The following LHX8 variants were observed in gnomAD, a reference collection of about 807,000 sequenced individuals.
LHX8 encodes LIM/homeobox protein Lhx8.
A neutral mutation model predicts 40.3 loss-of-function variants in LHX8; 12 were observed. The observed-to-expected ratio is 0.30, with a 90% CI of 0.19 to 0.48. LHX8 has a LOEUF of 0.48. Ranked by LOEUF, LHX8 falls within the 20% of genes least tolerant of loss-of-function variation. The pLI, the probability that LHX8 is intolerant of heterozygous loss-of-function variation, is 0.99. For synonymous variants in LHX8, 179 were observed against 162.0 expected (o/e 1.10, Z -0.80); for missense variants, 344 against 433.7 (o/e 0.79, Z 1.84).
At chr1:75,135,010 G>A in intron 1 of LHX8, 56 bp downstream of exon 1, 3 of 858,282 alleles carry the variant, frequency 3.5e-6, no homozygotes, top group Non-Finnish European at 4.2e-6. Context: ...CGGGAGAGTG[G>A]GTCGGGAGGA....
At chr1:75,130,853 A>G (rs1647943012), upstream of LHX8, 1 of 951,622 alleles carries the variant, frequency 1.1e-6, no homozygotes, top group Non-Finnish European at 1.7e-6. Flanking sequence ...CCCTGAACCA[A>G]GTGTGACATC....
the LHX8 span, among the ~76,000 whole-genome samples, chr1:75,182,756 C>T: frequency 2.4e-4 from 36 of 152,256 alleles, no homozygotes; most frequent in Admixed American, 4.6e-4. Context: ...TAATGTTATG[C>T]CTCTAGGTTT....
At chr1:75,140,824 A>G (rs1648291882) in intron 3 of LHX8, among the ~76,000 whole-genome samples, 161 bp from the exon 4 acceptor site, 1 of 152,208 alleles carries the variant, frequency 6.6e-6, no homozygotes, top group Non-Finnish European at 1.5e-5. Context: ...ATACATGTTT[A>G]CAAAAATGAC....
intron 7 of LHX8, among the ~76,000 whole-genome samples, chr1:75,152,344 A>G (rs929882422): frequency 1.3e-5 from 2 of 152,176 alleles, no homozygotes; most frequent in Non-Finnish European, 2.9e-5. Flanking sequence ...CAAAGAATAA[A>G]GATGAGTGAT....
chr1:75,148,802 C>G, intron 7 of LHX8, 120 bp downstream of exon 7: 2 of 710,796 alleles, frequency 2.8e-6, no homozygotes, highest in South Asian at 1.7e-5. Flanking sequence ...CTCAGCCTCC[C>G]AAAGTAATGG....
intron 7 of LHX8, among the ~76,000 whole-genome samples, chr1:75,148,890 T>G (rs889586949): frequency 6.6e-6 from 1 of 152,182 alleles, no homozygotes; most frequent in Non-Finnish European, 1.5e-5. Flanking sequence ...AAGTTCTAAT[T>G]CTGGGTATTT....
the LHX8 span, among the ~76,000 whole-genome samples, chr1:75,179,896 A>T: frequency 6.6e-6 from 1 of 152,020 alleles, no homozygotes; most frequent in South Asian, 2.1e-4. Flanking sequence ...TGGTGACAAA[A>T]TCTCTCAGCA....
the LHX8 span, among the ~76,000 whole-genome samples, chr1:75,172,210 C>A: frequency 6.6e-6 from 1 of 152,288 alleles, no homozygotes; most frequent in Admixed American, 6.5e-5. Flanking sequence ...CATATCACAA[C>A]TATTTGGACT....
chr1:75,156,309 T>C (rs1648765972), intron 7 of LHX8, among the ~76,000 whole-genome samples: 1 of 152,096 alleles, frequency 6.6e-6, no homozygotes, highest in South Asian at 2.1e-4. Flanking sequence ...TGGTGCAATC[T>C]GAGCTCACTG....
In LHX8 at chr1:75,137,280, T is replaced by G. The variant is rs571755515; in HGVS notation, c.237+19T>G. 6.2e-7 allele frequency: 1 copy of G among 1,609,972 alleles called. No homozygotes were observed. Among genetic ancestry groups the G allele is most frequent in the South Asian group, 1.1e-5 (1 of 90,940 alleles). On this transcript the variant is annotated intron_variant, in intron 3 of 8. Coordinates refer to ENST00000356261, the MANE Select transcript of LHX8 (RefSeq NM_001256114.2). ...TCTCAAGGTAGGATAGGGCCTCGGG[T>G]GCGAGGCCCAAGGGGAGCGGGCTTA...
At chr1:75,180,747 C>T in the LHX8 span, among the ~76,000 whole-genome samples, 41 of 152,278 alleles carry the variant, frequency 2.7e-4, no homozygotes, top group African/African-American at 8.9e-4. Context: ...CAAGGAGCTG[C>T]AATCCTTTGG....
At chr1:75,133,985 A>G (rs1444916573), upstream of LHX8, among the ~76,000 whole-genome samples, 4 of 152,110 alleles carry the variant, frequency 2.6e-5, no homozygotes, top group African/African-American at 9.7e-5. Context: ...GCTACACCGG[A>G]CAGCTGCGAG....
chr1:75,171,232 T>C, the LHX8 span, among the ~76,000 whole-genome samples: 4 of 152,272 alleles, frequency 2.6e-5, no homozygotes, highest in South Asian at 8.3e-4. Context: ...TACCAAAATG[T>C]TATTTGGCAT....
chr1:75,187,945 C>G, the LHX8 span, among the ~76,000 whole-genome samples: 1 of 152,122 alleles, frequency 6.6e-6, no homozygotes, highest in Admixed American at 6.5e-5. Context: ...AAAAAAGAGT[C>G]AGCTTAAACA....
chr1:75,170,653 A>T, the LHX8 span, among the ~76,000 whole-genome samples: 17,518 of 152,142 alleles, frequency 0.12, 1,660 homozygotes, highest in African/African-American at 0.26. Context: ...TCAAGAGTCA[A>T]CTGGAGACTG....
downstream of LHX8, among the ~76,000 whole-genome samples, chr1:75,163,310 G>A (rs1648967402): frequency 6.6e-6 from 1 of 152,140 alleles, no homozygotes; most frequent in Admixed American, 6.6e-5. Context: ...TCTTGATGTG[G>A]TATATTATGT....
the LHX8 span, among the ~76,000 whole-genome samples, chr1:75,170,555 C>G: frequency 1.3e-5 from 2 of 152,296 alleles, no homozygotes; most frequent in South Asian, 4.2e-4. Flanking sequence ...AACACATGAG[C>G]TATCTATTTC....
chr1:75,177,984 T>C, the LHX8 span, among the ~76,000 whole-genome samples: 2 of 152,174 alleles, frequency 1.3e-5, no homozygotes, highest in African/African-American at 4.8e-5. Context: ...CATTTGTTGA[T>C]TTGCATATGT....
chr1:75,157,713 A>G lies in LHX8; in HGVS notation c.964+637A>G, dbSNP rs374731129. 3.9e-5 allele frequency among the ~76,000 whole-genome samples: 6 copies of G among 152,274 alleles called. No individual in the cohort carries two copies. The South Asian group carries it at 6.2e-4, about 16-fold the overall frequency. Reference sequence around the variant, plus strand: ...TTTGTGTCTCACTTCTTTCAATTACATTGTGAGATTCACCTATATTATTGT... The same window carrying G: ...TTTGTGTCTCACTTCTTTCAATTACGTTGTGAGATTCACCTATATTATTGT... On this transcript the variant is annotated intron_variant, in intron 8 of 8. Transcript: ENST00000356261.
Sources: allele counts gnomAD v4.1 joint callset (sites outside exome capture counted in the v4.1 genomes callset), GRCh38; gene constraint gnomAD v4.1.1; transcripts MANE v1.5; gene names NCBI Gene and HGNC (gene_info 2026-07-23, HGNC 2026-07-21).